The following SPAST variants were observed in gnomAD, a reference collection of about 807,000 sequenced individuals.
SPAST encodes spastin, also known as spastic paraplegia 4 (autosomal dominant; spastin).
A neutral mutation model predicts 76.6 loss-of-function variants in SPAST; 30 were observed. The observed-to-expected ratio is 0.39, with a 90% CI of 0.29 to 0.53. SPAST has a LOEUF of 0.53. Among genes scored for constraint, SPAST ranks in the 20% least tolerant of loss-of-function variants. The probability of loss-of-function intolerance (pLI) is 0.68; values close to 1 mark genes in which losing one functional copy is unlikely to be tolerated. For missense variants in SPAST, 717 were observed against 770.5 expected, an observed-to-expected ratio of 0.93 and a Z score of 0.82; for synonymous variants, 305 against 281.0, an observed-to-expected ratio of 1.09 and a Z score of -0.86.
intron 1 of SPAST, among the ~76,000 whole-genome samples, chr2:32,065,846 A>G (rs1398347563): frequency 6.6e-6 from 1 of 152,162 alleles, no homozygotes; most frequent in Non-Finnish European, 1.5e-5. Context: ...GGATATAAGG[A>G]AAGAGGCAGT....
chr2:32,145,647 T>C (rs570287474), intron 15 of SPAST, among the ~76,000 whole-genome samples: 1 of 129,888 alleles, frequency 7.7e-6, no homozygotes, highest in African/African-American at 2.8e-5. Context: ...GTTTTCACTT[T>C]TTTAATTATA....
chr2:32,080,026 T>C (rs915146841), intron 1 of SPAST, among the ~76,000 whole-genome samples: 1 of 152,230 alleles, frequency 6.6e-6, no homozygotes, highest in Non-Finnish European at 1.5e-5. Context: ...CCATAGGGGC[T>C]GCACCATTTT....
intron 7 of SPAST, among the ~76,000 whole-genome samples, chr2:32,117,490 G>T (rs1446395619): frequency 6.7e-6 from 1 of 148,956 alleles, no homozygotes; most frequent in African/African-American, 2.5e-5. Flanking sequence ...TAAAAAGAGA[G>T]AAATTGTACT....
Position 32,156,040 on chromosome 2 carries a change from G to A in SPAST, c.*1544G>A, listed in dbSNP as rs6709048. On this transcript the variant is annotated 3_prime_UTR_variant, in exon 17 of 17. Coordinates refer to ENST00000315285, the MANE Select transcript of SPAST (RefSeq NM_014946.4). ...AATATAGAAGATGCATGATTTCTGG[G>A]TTTTTTTTTTTTTTTGAGACAGAGT... 6.8e-6 allele frequency: 1 copy of A among 146,594 alleles called. No homozygotes were observed. Among genetic ancestry groups the A allele is most frequent in the African/African-American group, 2.5e-5 (1 of 39,618 alleles). 9.1% of individuals were successfully genotyped at this position (146,594 alleles called of 1,614,324 possible).
At chr2:32,088,471 C>T (rs959624407) in intron 2 of SPAST, among the ~76,000 whole-genome samples, 1 of 152,096 alleles carries the variant, frequency 6.6e-6, no homozygotes, top group Non-Finnish European at 1.5e-5. Flanking sequence ...ATGGAGAAAC[C>T]CTGTCTCTAC....
At chr2:32,088,914 C>T (rs1041151251) in intron 2 of SPAST, among the ~76,000 whole-genome samples, 1 of 152,092 alleles carries the variant, frequency 6.6e-6, no homozygotes, top group African/African-American at 2.4e-5. Context: ...AGTAAGTTAG[C>T]ATTGGTTGTA....
intron 2 of SPAST, 24 bp downstream of exon 2, chr2:32,087,602 C>T: frequency 8.2e-7 from 1 of 1,221,278 alleles, no homozygotes; most frequent in Non-Finnish European, 1.2e-6. Flanking sequence ...TGTTTATAGC[C>T]ATCCCAAATT....
chr2:32,064,271 G>C, intron 1 of SPAST, 25 bp downstream of exon 1: 1 of 1,509,252 alleles, frequency 6.6e-7, no homozygotes, highest in Non-Finnish European at 9.0e-7. Context: ...GGGGGAGGGG[G>C]CGGCGGCGCC....
intron 1 of SPAST, among the ~76,000 whole-genome samples, chr2:32,072,887 TTAAAC>T (rs1358710162): frequency 3.9e-5 from 6 of 152,198 alleles, no homozygotes; most frequent in African/African-American, 9.6e-5. Flanking sequence ...GTTTCTCTGA[TTAAAC>T]TAAGGAATAA....
At chr2:32,099,408 A>G (rs1028721823) in intron 4 of SPAST, among the ~76,000 whole-genome samples, 5 of 152,228 alleles carry the variant, frequency 3.3e-5, no homozygotes, top group Admixed American at 6.6e-5. Flanking sequence ...TCTATCCTTC[A>G]TAAACTTTTG....
At chr2:32,088,992 C>G (rs1677603017) in intron 2 of SPAST, among the ~76,000 whole-genome samples, 1 of 152,018 alleles carries the variant, frequency 6.6e-6, no homozygotes, top group African/African-American at 2.4e-5. Flanking sequence ...TGAAATAAGA[C>G]CTGAAATCTA....
At chr2:32,128,501 T>C in intron 9 of SPAST, 22 bp downstream of exon 9, 2 of 1,473,044 alleles carry the variant, frequency 1.4e-6, no homozygotes, top group Non-Finnish European at 1.9e-6. Flanking sequence ...GTTTCCAATA[T>C]TGTCGTATTT....
At chr2:32,138,459 T>G (rs954767025) in intron 12 of SPAST, among the ~76,000 whole-genome samples, 3 of 152,206 alleles carry the variant, frequency 2.0e-5, no homozygotes, top group Admixed American at 6.5e-5. Flanking sequence ...TTTTTTCATG[T>G]TTGTTGTCCC....
chr2:32,131,462 T>G (rs1679367202), intron 9 of SPAST, among the ~76,000 whole-genome samples: 1 of 152,176 alleles, frequency 6.6e-6, no homozygotes, highest in African/African-American at 2.4e-5. Context: ...ACTTCAATTT[T>G]CAGTAGTTGG....
At chr2:32,064,377 A>AAAGCAGTCTCCCGGG in intron 1 of SPAST, 131 bp downstream of exon 1, 1 of 827,670 alleles carries the variant, frequency 1.2e-6, no homozygotes, top group South Asian at 1.7e-5. Context: ...ATGCCCCGGG[A>AAAGCAGTCTCCCGGG]GACTGCTTTC....
chr2:32,115,745 C>T lies in SPAST; in HGVS notation c.914C>T (p.Thr305Ile), dbSNP rs1356405929. 6.2e-7 allele frequency: 1 copy of T among 1,611,350 alleles called. No individual in the cohort carries two copies. Among genetic ancestry groups the T allele is most frequent in the East Asian group, 2.2e-5 (1 of 44,700 alleles). Residue 305 changes from threonine (T) to isoleucine (I), a missense_variant, in exon 6 of 17, where the codon ACA becomes ATA. Transcript: ENST00000315285. ...TNRTNKPSTP[T>I]TATRKKKDLK... is the part of the protein sequence containing the mutation. ...AGGACAAATAAACCTTCTACCCCTA[C>T]AACTGCTACTCGTAAGAAAAAAGAC...
At chr2:32,121,949 CT>C (rs1558328101) in intron 7 of SPAST, among the ~76,000 whole-genome samples, 1 of 152,134 alleles carries the variant, frequency 6.6e-6, no homozygotes, top group South Asian at 2.1e-4. Flanking sequence ...CTCCTCTTTT[CT>C]TTTTGCCTTA....
intron 8 of SPAST, chr2:32,128,108 C>T (rs1243259675): frequency 1.4e-5 from 5 of 351,002 alleles, no homozygotes; most frequent in East Asian, 1.4e-4. Context: ...AATTCTGCCA[C>T]GTCAGCTTCC....
intron 3 of SPAST, among the ~76,000 whole-genome samples, chr2:32,090,394 T>G (rs968203839): frequency 1.2e-4 from 18 of 152,160 alleles, no homozygotes; most frequent in Admixed American, 1.2e-3. Context: ...TTCTTATTAT[T>G]TTGAAACAAA....
Sources: allele counts gnomAD v4.1 joint callset (sites outside exome capture counted in the v4.1 genomes callset), GRCh38; gene constraint gnomAD v4.1.1; transcripts MANE v1.5; gene names NCBI Gene and HGNC (gene_info 2026-07-23, HGNC 2026-07-21).